Variants in CADM2 observed in about 807,000 individuals in gnomAD.
The protein encoded by CADM2 is cell adhesion molecule 2, also known as immunoglobulin superfamily member 4D.
A neutral mutation model predicts 49.8 loss-of-function variants in CADM2; 12 were observed. The observed-to-expected ratio is 0.24, with a 90% confidence interval of 0.15 to 0.39. CADM2 has a LOEUF of 0.39. CADM2 is among the 10% of genes least tolerant of loss of function. The pLI, the probability that CADM2 is intolerant of heterozygous loss-of-function variation, is 1.00. For missense variants in CADM2, 378 were observed against 492.3 expected (o/e 0.77, Z 2.20); for synonymous variants, 214 against 175.4 (o/e 1.22, Z -1.74).
rs941375160 is a variant in CADM2 at position 86,066,374 on chromosome 3, C to A, written c.1097-291C>A. ...AAAAAAAAAAGATCTTAACAAAAGACCCTGTTTGCTACAGCTGTAAGGTTC... is the reference window on the plus strand; with the variant it reads ...AAAAAAAAAAGATCTTAACAAAAGAACCTGTTTGCTACAGCTGTAAGGTTC... On this transcript the variant is annotated intron_variant, in intron 9 of 9. Coordinates refer to ENST00000383699, the MANE Select transcript of CADM2 (RefSeq NM_001167675.2). 7.9e-5 allele frequency among the ~76,000 whole-genome samples: 9 copies of A among 114,364 alleles called. 1 individual carries two copies. In the South Asian group the frequency reaches 1.2e-3, roughly 15 times the overall value. 75.0% of individuals were successfully genotyped at this position (114,364 alleles called of 152,430 possible). A position where few individuals can be genotyped will look rare whatever the true frequency, so the allele number is the denominator to read the frequency against.
chr3:85,980,243 A>G lies in CADM2; in HGVS notation c.970+18596A>G, dbSNP rs146807073. On this transcript the variant is annotated intron_variant, in intron 8 of 9. Transcript: ENST00000383699. ...ATTAATGAGGACTTTATATTATTAT[A>G]TTTAATTCAGTTGTATGAAGGTTAT... Among the ~76,000 whole-genome samples, 447 of 151,586 alleles carry G rather than the reference A, an allele frequency of 2.9e-3. 1 individual carries two copies. The highest frequency in any genetic ancestry group is 0.01 in the African/African-American group (420 of 41,472).
At chr3:86,053,964 A>T (rs1057420742) in intron 8 of CADM2, among the ~76,000 whole-genome samples, 54 of 151,964 alleles carry the variant, frequency 3.6e-4, no homozygotes, top group African/African-American at 1.2e-3. Context: ...ACCTACTATT[A>T]TTATCCTGTT....
chr3:85,036,320 A>G (rs1270554039), intron 1 of CADM2, among the ~76,000 whole-genome samples: 1 of 152,180 alleles, frequency 6.6e-6, no homozygotes, highest in Non-Finnish European at 1.5e-5. Context: ...TATTAGAAAG[A>G]ATGTTTTAAA....
chr3:85,421,498 A>G (rs370226173), intron 1 of CADM2, among the ~76,000 whole-genome samples: 1 of 152,194 alleles, frequency 6.6e-6, no homozygotes, highest in African/African-American at 2.4e-5. Flanking sequence ...TCACTCTCTT[A>G]TGCTCCATAT....
At chr3:85,318,987 GA>G (rs759598786) in intron 1 of CADM2, among the ~76,000 whole-genome samples, 5 of 152,168 alleles carry the variant, frequency 3.3e-5, no homozygotes, top group Non-Finnish European at 7.4e-5. Context: ...GAATTTTTCA[GA>G]TAGCTTGGTT....
intron 8 of CADM2, chr3:86,013,917 A>T: frequency 6.3e-7 from 1 of 1,590,236 alleles, no homozygotes; most frequent in Non-Finnish European, 8.6e-7. Flanking sequence ...CACACTCTGA[A>T]CTTCCTGTGC....
At chr3:85,658,576 G>GTGTGTATATA (rs1460728518) in intron 1 of CADM2, among the ~76,000 whole-genome samples, 3 of 68,752 alleles carry the variant, frequency 4.4e-5, no homozygotes, top group Non-Finnish European at 8.2e-5. Flanking sequence ...GGATATATGT[G>GTGTGTATATA]TATATATATA....
chr3:85,456,640 C>T (rs973772599), intron 1 of CADM2, among the ~76,000 whole-genome samples: 1 of 151,924 alleles, frequency 6.6e-6, no homozygotes, highest in Non-Finnish European at 1.5e-5. Context: ...TTATTAATTA[C>T]TCAAATATAA....
intron 1 of CADM2, among the ~76,000 whole-genome samples, chr3:85,057,972 T>C (rs964801930): frequency 6.6e-6 from 1 of 152,196 alleles, no homozygotes; most frequent in Non-Finnish European, 1.5e-5. Flanking sequence ...TGGTAGGTAT[T>C]AGACATTTTT....
intron 1 of CADM2, among the ~76,000 whole-genome samples, chr3:84,977,803 G>A (rs970873295): frequency 7.9e-5 from 12 of 151,978 alleles, no homozygotes; most frequent in African/African-American, 2.9e-4. Context: ...TGACGTCAAC[G>A]GAAAACAACA....
At chr3:85,657,884 T>C (rs542638674) in intron 1 of CADM2, among the ~76,000 whole-genome samples, 18 of 151,752 alleles carry the variant, frequency 1.2e-4, no homozygotes, top group African/African-American at 4.3e-4. Context: ...TAATTGCAGA[T>C]GTAATTGGTT....
chr3:85,827,116 T>G (rs1251967164), intron 3 of CADM2, among the ~76,000 whole-genome samples: 4 of 151,952 alleles, frequency 2.6e-5, no homozygotes, highest in Non-Finnish European at 4.4e-5. Context: ...TACTGCCTTT[T>G]TCAATGACCT....
intron 1 of CADM2, among the ~76,000 whole-genome samples, chr3:85,009,924 T>A (rs1343841987): frequency 2.7e-5 from 4 of 150,666 alleles, no homozygotes; most frequent in Non-Finnish European, 1.5e-5. Context: ...AAAAAATAAA[T>A]AAAATTTGTT....
At chr3:85,565,091 A>G (rs80238671) in intron 1 of CADM2, among the ~76,000 whole-genome samples, 4,114 of 152,160 alleles carry the variant, frequency 0.027, 195 homozygotes, top group African/African-American at 0.094. Context: ...TTAATTGCAG[A>G]TGGTATCATG....
At chr3:86,041,020 C>T (rs2107239402) in intron 8 of CADM2, among the ~76,000 whole-genome samples, 1 of 152,212 alleles carries the variant, frequency 6.6e-6, no homozygotes, top group Non-Finnish European at 1.5e-5. Context: ...ACTTTACAGA[C>T]AAGCAAATGC....
At chr3:85,880,663 G>T (rs1448605442) in intron 3 of CADM2, among the ~76,000 whole-genome samples, 4 of 152,174 alleles carry the variant, frequency 2.6e-5, no homozygotes, top group Admixed American at 2.6e-4. Flanking sequence ...ATTGTCATTT[G>T]AATTTGTATT....
chr3:85,546,054 T>C (rs545626800), intron 1 of CADM2, among the ~76,000 whole-genome samples: 2 of 152,210 alleles, frequency 1.3e-5, no homozygotes, highest in African/African-American at 4.8e-5. Context: ...AAAATATACC[T>C]GACCATGGCA....
intron 1 of CADM2, among the ~76,000 whole-genome samples, chr3:85,547,516 G>A (rs1436366110): frequency 1.3e-5 from 2 of 152,110 alleles, no homozygotes; most frequent in Non-Finnish European, 2.9e-5. Flanking sequence ...TGACCTGGCA[G>A]TCAGAAACCC....
At chr3:85,922,970 C>T (rs1281912642) in intron 6 of CADM2, among the ~76,000 whole-genome samples, 5 of 151,664 alleles carry the variant, frequency 3.3e-5, no homozygotes, top group African/African-American at 9.7e-5. Context: ...TATAGGCGCC[C>T]GCCACCACAC....
Sources: gnomAD v4.1 joint callset for allele counts (sites outside exome capture counted in the v4.1 genomes callset) on GRCh38, gnomAD v4.1.1 for gene constraint, MANE v1.5 for transcripts, NCBI Gene and HGNC (gene_info 2026-07-23, HGNC 2026-07-21) for gene names.